ITFG2: variants seen among roughly 807,000 people sequenced by gnomAD.
ITFG2 encodes integrin alpha FG-GAP repeat containing 2, also known as KICSTOR complex protein ITFG2.
ITFG2 carries 36 observed loss-of-function variants against 54.4 expected under a neutral mutation model. The ratio of observed to expected loss-of-function variants is 0.66; its 90% CI spans 0.51 to 0.87. The LOEUF (loss-of-function observed/expected upper bound fraction) is 0.87, where lower values mean the gene tolerates loss of function less well. Ranked by LOEUF, ITFG2 falls within the 40% of genes least tolerant of loss-of-function variation. The pLI is 0.00. For synonymous variants in ITFG2, 211 were observed against 225.4 expected (o/e 0.94, Z 0.57); for missense variants, 524 against 576.7 (o/e 0.91, Z 0.94).
Position 2,820,333 on chromosome 12 carries a change from GAA to G in ITFG2, c.546+111_546+112del, listed in dbSNP as rs761880536. The G allele has an allele frequency of 6.0e-6, 8 of 1,334,208 alleles. No individual in the cohort carries two copies. In the East Asian group the frequency reaches 1.0e-4, roughly 17 times the overall value. The allele number at this position is 1,334,208 out of a possible 1,614,324, so 82.6% of individuals were successfully genotyped here. ...GGACAGGGCCAGGGTGGGGAGAAGT[GAA>G]AAGTCACCTTGTCAAGAGAGATCCA... On this transcript the variant is annotated intron_variant, in intron 5 of 11. Coordinates refer to ENST00000228799, the MANE Select transcript of ITFG2 (RefSeq NM_018463.4).
chr12:2,828,561 C>T (rs1462016325), downstream of ITFG2: 1 of 673,950 alleles, frequency 1.5e-6, no homozygotes, highest in Non-Finnish European at 2.5e-6. Flanking sequence ...TTATCGGGGC[C>T]AGGCGCGGTA....
chr12:2,833,296 G>A (rs1465297985), upstream of ITFG2, among the ~76,000 whole-genome samples: 1 of 152,048 alleles, frequency 6.6e-6, no homozygotes, highest in Non-Finnish European at 1.5e-5. Context: ...CGAAGAACCC[G>A]CTTCCCTGCT....
At chr12:2,823,748 T>C in intron 10 of ITFG2, 22 bp from the exon 11 acceptor site, 1 of 1,526,672 alleles carries the variant, frequency 6.6e-7, no homozygotes, top group African/African-American at 1.4e-5. Context: ...CTGACCTTTA[T>C]CTCCCTGCCA....
chr12:2,833,811 C>G (rs2098014926), upstream of ITFG2, among the ~76,000 whole-genome samples: 1 of 152,214 alleles, frequency 6.6e-6, no homozygotes, highest in Non-Finnish European at 1.5e-5. Context: ...TAACAACTCT[C>G]CCAACAATCC....
At chr12:2,859,480 A>G (rs755826889) in intron 3 of ITFG2, 5 of 1,613,932 alleles carry the variant, frequency 3.1e-6, no homozygotes, top group Non-Finnish European at 4.2e-6. Context: ...CACTCTTCCA[A>G]GGGAGGGCTC....
At chr12:2,822,464 C>T (rs927852346) in intron 9 of ITFG2, among the ~76,000 whole-genome samples, 1 of 152,114 alleles carries the variant, frequency 6.6e-6, no homozygotes, top group Non-Finnish European at 1.5e-5. Context: ...CACTGTGGCC[C>T]CTGAATCAGC....
At chr12:2,818,329 C>T (rs2097928913) in intron 4 of ITFG2, 52 bp downstream of exon 4, 7 of 1,601,514 alleles carry the variant, frequency 4.4e-6, no homozygotes, top group Non-Finnish European at 5.9e-6. Context: ...TCAGTGGATA[C>T]TAGAGCATAT....
At chr12:2,819,896 C>A in intron 4 of ITFG2, 190 bp from the exon 5 acceptor site, 1 of 569,536 alleles carries the variant, frequency 1.8e-6, no homozygotes, top group Non-Finnish European at 2.9e-6. Context: ...ATAGGAGCTG[C>A]GGAACAGATG....
intron 2 of ITFG2, chr12:2,855,497 A>ACC: frequency 7.4e-7 from 1 of 1,349,098 alleles, no homozygotes; most frequent in South Asian, 1.8e-5. Context: ...ACAGGGGTGC[A>ACC]GAAAGGTGGG....
At chr12:2,818,473 C>A in intron 4 of ITFG2, 196 bp downstream of exon 4, 1 of 1,032,840 alleles carries the variant, frequency 9.7e-7, no homozygotes, top group Non-Finnish European at 1.4e-6. Context: ...AAATTGCTGC[C>A]CTCCTGGGCC....
intron 2 of ITFG2, chr12:2,830,440 ACTGAGGAGTACTTAC>A: frequency 5.4e-6 from 2 of 373,412 alleles, no homozygotes; most frequent in South Asian, 5.3e-5. Flanking sequence ...TGTAGAGCAC[ACTGAGGAGTACTTAC>A]TTAATTTAAG....
intron 2 of ITFG2, among the ~76,000 whole-genome samples, chr12:2,855,969 C>T (rs919551800): frequency 6.6e-6 from 1 of 152,158 alleles, no homozygotes; most frequent in Admixed American, 6.6e-5. Flanking sequence ...GTCACTGACG[C>T]TTTCCTCCCA....
At chr12:2,818,343 A>G (rs1485218780) in intron 4 of ITFG2, 66 bp downstream of exon 4, 13 of 1,596,150 alleles carry the variant, frequency 8.1e-6, no homozygotes, top group African/African-American at 1.3e-5. Context: ...AGCATATCCC[A>G]AGGGATTGGG....
At chr12:2,859,332 A>T (rs1475971498) in intron 3 of ITFG2, 1 of 1,613,524 alleles carries the variant, frequency 6.2e-7, no homozygotes, top group Admixed American at 1.7e-5. Context: ...CCTGTGTTGA[A>T]TCACAAGCAT....
At chr12:2,824,052 G>A (rs370475169) in intron 11 of ITFG2, 38 bp from the exon 12 acceptor site, 2 of 1,613,978 alleles carry the variant, frequency 1.2e-6, no homozygotes, top group Middle Eastern at 1.6e-4. Flanking sequence ...GTGCCCAGGA[G>A]ACCCACAGCC....
intron 1 of ITFG2, among the ~76,000 whole-genome samples, chr12:2,813,369 A>AGTG (rs899454887): frequency 1.4e-4 from 22 of 152,132 alleles, no homozygotes; most frequent in African/African-American, 4.6e-4. Flanking sequence ...CTTAAGTGTT[A>AGTG]GTGGTGGTGG....
At chr12:2,859,356 C>A (rs780641311) in intron 3 of ITFG2, 1 of 1,613,728 alleles carries the variant, frequency 6.2e-7, no homozygotes, top group Non-Finnish European at 8.5e-7. Flanking sequence ...CGAGACACAC[C>A]GGGTTGGGGA....
At chr12:2,830,955 C>A (rs903399903), downstream of ITFG2, 7 of 1,362,848 alleles carry the variant, frequency 5.1e-6, no homozygotes, top group African/African-American at 1.0e-4. Flanking sequence ...GATGCTCCCC[C>A]CACCCCCCCA....
chr12:2,844,756 C>G (rs1051921469), intron 2 of ITFG2, among the ~76,000 whole-genome samples: 5 of 152,110 alleles, frequency 3.3e-5, no homozygotes, highest in African/African-American at 1.2e-4. Context: ...CCCTTGGACA[C>G]GACCTCCCCT....
Sources: allele counts gnomAD v4.1 joint callset (sites outside exome capture counted in the v4.1 genomes callset), GRCh38; gene constraint gnomAD v4.1.1; transcripts MANE v1.5; gene names NCBI Gene and HGNC (gene_info 2026-07-23, HGNC 2026-07-21).